Variants in DOCK2 observed in about 807,000 individuals in gnomAD.
The protein encoded by DOCK2 is dedicator of cytokinesis 2, also known as dedicator of cytokinesis protein 2.
Under a neutral mutation model 248.9 loss-of-function variants are expected in DOCK2, and 87 were observed. That is an observed-to-expected ratio of 0.35 (90% confidence interval 0.29 to 0.42). The LOEUF is 0.42. DOCK2 is among the 10% of genes least tolerant of loss of function. DOCK2 has a pLI of 1.00. For missense variants in DOCK2, 1,747 were observed against 2,300.2 expected, an observed-to-expected ratio of 0.76 and a Z score of 4.92; for synonymous variants, 805 against 821.6, an observed-to-expected ratio of 0.98 and a Z score of 0.35.
chr5:169,959,808 G>T (rs1240485845), intron 27 of DOCK2, among the ~76,000 whole-genome samples: 1 of 152,138 alleles, frequency 6.6e-6, no homozygotes, highest in African/African-American at 2.4e-5. Context: ...GTGGAAACCA[G>T]GTAGAATGCT....
At chr5:169,896,121 A>C (rs1281504710) in intron 27 of DOCK2, among the ~76,000 whole-genome samples, 1 of 151,206 alleles carries the variant, frequency 6.6e-6, no homozygotes. Flanking sequence ...GATTGGAAGG[A>C]GCTCCCAGAG....
intron 1 of DOCK2, among the ~76,000 whole-genome samples, chr5:169,643,226 C>T (rs1458260671): frequency 6.6e-6 from 1 of 152,206 alleles, no homozygotes; most frequent in African/African-American, 2.4e-5. Flanking sequence ...CCCTGCACCC[C>T]ACCAGGTCAG....
intron 25 of DOCK2, among the ~76,000 whole-genome samples, chr5:169,776,073 C>T (rs771526796): frequency 1.2e-4 from 18 of 150,942 alleles, no homozygotes; most frequent in Non-Finnish European, 2.4e-4. Context: ...CATGATCTCA[C>T]GATTTAGAGG....
intron 32 of DOCK2, among the ~76,000 whole-genome samples, chr5:170,014,498 G>A (rs747285559): frequency 6.6e-6 from 1 of 151,976 alleles, no homozygotes; most frequent in African/African-American, 2.4e-5. Context: ...GGTATCTGGT[G>A]GATTTTTTAC....
intron 32 of DOCK2, among the ~76,000 whole-genome samples, chr5:170,015,428 A>T (rs368300146): frequency 6.6e-6 from 1 of 152,136 alleles, no homozygotes; most frequent in South Asian, 2.1e-4. Context: ...GAGGCTGGGC[A>T]AGTCCTGAAC....
chr5:169,641,800 A>G lies in DOCK2; in HGVS notation c.43+4431A>G, dbSNP rs114432557. 3.5e-3 allele frequency among the ~76,000 whole-genome samples: 535 copies of G among 152,322 alleles called. 4 individuals are homozygous for G. Among genetic ancestry groups the G allele is most frequent in the African/African-American group, 0.012 (517 of 41,564 alleles). Reference sequence around the variant, plus strand: ...CTAATACCACAGTGGTGGCCCCAGCATGCAACCCACCCATCTCTGCACAAC... The same window carrying G: ...CTAATACCACAGTGGTGGCCCCAGCGTGCAACCCACCCATCTCTGCACAAC... On this transcript the variant is annotated intron_variant, in intron 1 of 51. Coordinates refer to ENST00000520908, the MANE Select transcript of DOCK2 (RefSeq NM_004946.3).
chr5:169,787,696 TCCA>T (rs1404705242), intron 25 of DOCK2, among the ~76,000 whole-genome samples: 3 of 139,914 alleles, frequency 2.1e-5, no homozygotes, highest in Non-Finnish European at 4.6e-5. Flanking sequence ...CTTTTCCTCC[TCCA>T]CTTTTGCTTT....
chr5:169,765,596 A>T (rs966395010), intron 25 of DOCK2, among the ~76,000 whole-genome samples: 2 of 152,238 alleles, frequency 1.3e-5, no homozygotes, highest in Non-Finnish European at 2.9e-5. Context: ...GTCTGATGCT[A>T]ATCAGAGGCA....
intron 26 of DOCK2, among the ~76,000 whole-genome samples, chr5:169,824,359 C>A (rs1461314944): frequency 6.6e-6 from 1 of 152,182 alleles, no homozygotes; most frequent in Non-Finnish European, 1.5e-5. Flanking sequence ...ATCATGCTAC[C>A]TGACTTCAAA....
intron 36 of DOCK2, chr5:170,040,567 G>A (rs962885809): frequency 4.7e-5 from 8 of 170,780 alleles, no homozygotes; most frequent in African/African-American, 1.7e-4. Context: ...AGCTGCTGTG[G>A]CTTGTTCATA....
At position 169,983,070 on chromosome 5, in the gene DOCK2, T is replaced by C. The variant is rs745325483; in HGVS notation, c.2802T>C (p.Ser934=). Residue 934 remains serine, a splice_region_variant and synonymous_variant, in exon 28 of 52, where the codon AGT becomes AGC. Coordinates refer to ENST00000520908, the MANE Select transcript of DOCK2 (RefSeq NM_004946.3). ...GTATTTGTCTTCATTTCTTGCAGAG[T>C]CACTTTGTGGCATGTATGACAGCCA... ...ITMGRDHILI[S]HFVACMTAIL... 6.2e-7 allele frequency: 1 copy of C among 1,614,018 alleles called. No individual in the cohort carries two copies. Among genetic ancestry groups the C allele is most frequent in the Non-Finnish European group, 8.5e-7 (1 of 1,179,892 alleles).
intron 25 of DOCK2, among the ~76,000 whole-genome samples, chr5:169,775,315 C>G (rs2113783327): frequency 6.6e-6 from 1 of 152,264 alleles, no homozygotes; most frequent in African/African-American, 2.4e-5. Context: ...GGAGGAGAGA[C>G]TATAGGGATT....
intron 30 of DOCK2, among the ~76,000 whole-genome samples, chr5:169,999,076 G>A (rs770265835): frequency 2.6e-5 from 4 of 152,186 alleles, no homozygotes; most frequent in Non-Finnish European, 5.9e-5. Flanking sequence ...TTGCTTTCCT[G>A]ACTTCACTAT....
intron 45 of DOCK2, among the ~76,000 whole-genome samples, chr5:170,068,157 A>T (rs1230880448): frequency 6.6e-6 from 1 of 152,240 alleles, no homozygotes; most frequent in East Asian, 1.9e-4. Context: ...TATAATCTAG[A>T]TATCAAGGTC....
intron 1 of DOCK2, among the ~76,000 whole-genome samples, chr5:169,638,469 G>T (rs890426834): frequency 5.9e-5 from 9 of 152,202 alleles, no homozygotes; most frequent in Admixed American, 4.6e-4. Flanking sequence ...GCTTGGACTG[G>T]GAAGTCAGAA....
intron 41 of DOCK2, among the ~76,000 whole-genome samples, chr5:170,053,055 A>G (rs1333797445): frequency 6.6e-6 from 1 of 152,234 alleles, no homozygotes; most frequent in African/African-American, 2.4e-5. Flanking sequence ...ATTGAAAGCC[A>G]AAGTCTCTTT....
At chr5:169,826,724 G>C in intron 26 of DOCK2, among the ~76,000 whole-genome samples, 1 of 152,176 alleles carries the variant, frequency 6.6e-6, no homozygotes, top group East Asian at 1.9e-4. Flanking sequence ...TTAATATGGA[G>C]AGGCAGTGTT....
intron 1 of DOCK2, among the ~76,000 whole-genome samples, chr5:169,640,959 G>GT (rs1159589432): frequency 6.6e-6 from 1 of 152,188 alleles, no homozygotes; most frequent in East Asian, 1.9e-4. Context: ...ATATTTGTTG[G>GT]TTTCTTCTGA....
intron 27 of DOCK2, among the ~76,000 whole-genome samples, chr5:169,960,761 G>T (rs891126919): frequency 6.6e-6 from 1 of 152,124 alleles, no homozygotes; most frequent in African/African-American, 2.4e-5. Flanking sequence ...AATATTAAAT[G>T]GAAAATCCAC....
Sources: allele counts gnomAD v4.1 joint callset (sites outside exome capture counted in the v4.1 genomes callset), GRCh38; gene constraint gnomAD v4.1.1; transcripts MANE v1.5; gene names NCBI Gene and HGNC (gene_info 2026-07-23, HGNC 2026-07-21).